Variants in ACOT11 observed in about 807,000 individuals in gnomAD.
ACOT11 encodes acyl-coenzyme A thioesterase 11.
A neutral mutation model predicts 77.5 loss-of-function variants in ACOT11; 69 were observed. The ratio of observed to expected loss-of-function variants is 0.89; its 90% CI spans 0.73 to 1.09. The LOEUF (loss-of-function observed/expected upper bound fraction) is 1.09, where lower values mean the gene tolerates loss of function less well. Among genes scored for constraint, ACOT11 ranks in the 50% least tolerant of loss-of-function variants. The probability of loss-of-function intolerance (pLI) is 0.00; values close to 1 mark genes in which losing one functional copy is unlikely to be tolerated. For synonymous variants in ACOT11, 279 were observed against 313.0 expected (o/e 0.89, Z 1.15); for missense variants, 766 against 813.7 (o/e 0.94, Z 0.71).
At chr1:54,571,061 TTCTC>T (rs556109250) in intron 1 of ACOT11, among the ~76,000 whole-genome samples, 2 of 149,402 alleles carry the variant, frequency 1.3e-5, no homozygotes, top group Non-Finnish European at 2.9e-5. Context: ...AATTATGATA[TTCTC>T]TCTCTCTTTT....
At chr1:54,559,693 G>A (rs1653398563) in intron 1 of ACOT11, among the ~76,000 whole-genome samples, 1 of 151,972 alleles carries the variant, frequency 6.6e-6, no homozygotes, top group African/African-American at 2.4e-5. Context: ...CTTTTCTGTT[G>A]AGGACCTACT....
In ACOT11 at chr1:54,604,998, C is replaced by T. The variant is rs898783210; in HGVS notation, c.1237-78C>T. 5.2e-5 allele frequency: 77 copies of T among 1,483,372 alleles called. 1 individual carries two copies. The Admixed American group carries it at 1.4e-3, about 26-fold the overall frequency. 91.9% of individuals were successfully genotyped at this position (1,483,372 alleles called of 1,614,324 possible). ...ACAGCAAGTCAGCTGTAGCCCTGAG[C>T]TTCCAGTCTCAGCCTCCAGCATCCC... On this transcript the variant is annotated intron_variant, in intron 12 of 15. Coordinates refer to ENST00000343744, the MANE Select transcript of ACOT11 (RefSeq NM_147161.4).
At chr1:54,548,852 C>T (rs922998372) in intron 1 of ACOT11, among the ~76,000 whole-genome samples, 8 of 152,126 alleles carry the variant, frequency 5.3e-5, no homozygotes, top group South Asian at 4.1e-4. Flanking sequence ...ATGACGGCTG[C>T]GGAAAGCTGT....
chr1:54,631,528 A>G (rs928304452), intron 16 of ACOT11, among the ~76,000 whole-genome samples: 9 of 152,154 alleles, frequency 5.9e-5, no homozygotes, highest in African/African-American at 1.9e-4. Context: ...TGAAGCTTCC[A>G]TTCAGGTTGC....
chr1:54,596,330 C>G (rs1654896466), intron 6 of ACOT11, among the ~76,000 whole-genome samples: 1 of 152,046 alleles, frequency 6.6e-6, no homozygotes, highest in African/African-American at 2.4e-5. Context: ...GCAATGCCAG[C>G]TCTTTGATGG....
rs769929111 is a variant in ACOT11, at chr1:54,609,768, CTGCGGGCTCCGCTATT to C, written c.*660_*675del. 7 of 1,614,070 alleles carry C rather than the reference CTGCGGGCTCCGCTATT, an allele frequency of 4.3e-6. No homozygotes were observed. The highest frequency in any genetic ancestry group is 1.7e-6 in the Non-Finnish European group (2 of 1,180,032). On this transcript the variant is annotated 3_prime_UTR_variant, in exon 16 of 16. Transcript: ENST00000343744. ...AGCAAGGCCAGGGATGGCCGGAGGG[CTGCGGGCTCCGCTATT>C]TGCAAATGGATGCCCCAGTGTCCGG... is the stretch of plus-strand genomic sequence containing the variant.
chr1:54,619,883 G>A, intron 15 of ACOT11: 1 of 1,614,086 alleles, frequency 6.2e-7, no homozygotes, highest in Non-Finnish European at 8.5e-7. Flanking sequence ...CAGCTGTCAT[G>A]GCTTTCTTGC....
chr1:54,599,839 A>T (rs1034846389), intron 8 of ACOT11, among the ~76,000 whole-genome samples: 7 of 152,274 alleles, frequency 4.6e-5, no homozygotes, highest in African/African-American at 7.2e-5. Flanking sequence ...TTGCCTTTGC[A>T]ATGAATTCTG....
At chr1:54,610,376 G>A, downstream of ACOT11, 3 of 1,605,204 alleles carry the variant, frequency 1.9e-6, no homozygotes, top group Non-Finnish European at 2.6e-6. Context: ...CCCTGCAGAT[G>A]AGCTGGGAGC....
Position 54,607,941 on chromosome 1 carries a change from G to C in ACOT11, c.1503-1G>C. 6.2e-7 allele frequency: 1 copy of C among 1,613,776 alleles called. No homozygotes were observed. Among genetic ancestry groups the C allele is most frequent in the Non-Finnish European group, 8.5e-7 (1 of 1,179,882 alleles). Reference sequence around the variant, plus strand: ...CCCCTTGCTACCCTTCCTTCACTCAGGGACCCCTATGTCATCGCGCTGAGG... The same window carrying C: ...CCCCTTGCTACCCTTCCTTCACTCACGGACCCCTATGTCATCGCGCTGAGG... On this transcript the variant is annotated splice_acceptor_variant, in intron 14 of 15. Coordinates refer to ENST00000343744, the MANE Select transcript of ACOT11 (RefSeq NM_147161.4). LOFTEE classifies it high-confidence loss of function. The surrounding 1 kb of genome is among the most constrained non-coding windows in gnomAD (Gnocchi z 4.5).
chr1:54,559,309 A>G (rs1217351290), intron 1 of ACOT11, among the ~76,000 whole-genome samples: 2 of 152,010 alleles, frequency 1.3e-5, no homozygotes, highest in African/African-American at 4.8e-5. Flanking sequence ...ACCCCACCCC[A>G]CACACCTCAG....
At position 54,594,614 on chromosome 1, in the gene ACOT11, C is replaced by T. The variant is rs754487008; in HGVS notation, c.530C>T (p.Ala177Val). ...GAGGAGAAGATGGAGCACAGTGTGG[C>T]GGCTGAGCGCCGGCGCATGCGCCTT... Reference protein sequence around the residue: ...TEEEKMEHSVAAERRRMRLVY... With the variant: ...TEEEKMEHSVVAERRRMRLVY... Residue 177 changes from alanine to valine, a missense_variant, in exon 6 of 16, where the codon GCG (alanine) becomes GTG (valine). Coordinates refer to ENST00000343744, the MANE Select transcript of ACOT11 (RefSeq NM_147161.4). The T allele has an allele frequency of 1.6e-5, 26 of 1,614,088 alleles. No homozygotes were observed. The highest frequency in any genetic ancestry group is 3.3e-4 in the Middle Eastern group (2 of 6,062).
chr1:54,620,182 G>C (rs950880129), intron 15 of ACOT11, among the ~76,000 whole-genome samples: 1 of 152,176 alleles, frequency 6.6e-6, no homozygotes, highest in Non-Finnish European at 1.5e-5. Context: ...ATGGGCTCCT[G>C]GGGCCCAAGG....
downstream of ACOT11, chr1:54,611,111 A>G (rs1644112820): frequency 2.6e-6 from 2 of 763,680 alleles, no homozygotes; most frequent in Non-Finnish European, 3.2e-6. Context: ...CTGTTTCTCT[A>G]TAAAATGGAA....
In ACOT11 at chr1:54,599,418, G is replaced by A. The variant is rs1462425676; in HGVS notation, c.884+3G>A. ...GTGAACAATGCCTTCAAACATAGGT[G>A]AGGGTCTGGGATGGGTGCGGCCACG... On this transcript the variant is annotated splice_donor_region_variant and intron_variant, in intron 8 of 15. Coordinates refer to ENST00000343744, the MANE Select transcript of ACOT11 (RefSeq NM_147161.4). 6.3e-7 allele frequency: 1 copy of A among 1,599,770 alleles called. No individual in the cohort carries two copies.
chr1:54,608,506 G>T (rs1050100758), intron 15 of ACOT11, among the ~76,000 whole-genome samples: 6 of 152,114 alleles, frequency 3.9e-5, no homozygotes, highest in Non-Finnish European at 5.9e-5. Context: ...TTAGGGCCCT[G>T]CAGCCTGGGT....
chr1:54,631,704 A>G (rs959733453), intron 16 of ACOT11, among the ~76,000 whole-genome samples: 2 of 152,194 alleles, frequency 1.3e-5, no homozygotes, highest in African/African-American at 2.4e-5. Context: ...CAGGTGGGGA[A>G]CAATACCCTT....
At chr1:54,594,149 G>C (rs1654813906) in intron 5 of ACOT11, 110 bp downstream of exon 5, 4 of 910,670 alleles carry the variant, frequency 4.4e-6, no homozygotes, top group African/African-American at 1.7e-5. Flanking sequence ...GGATGGGGAG[G>C]GACACAGCAG....
At chr1:54,561,076 TTTTTTA>T (rs1451544316) in intron 1 of ACOT11, among the ~76,000 whole-genome samples, 1 of 69,206 alleles carries the variant, frequency 1.4e-5, no homozygotes, top group African/African-American at 1.0e-4. Flanking sequence ...GCTTGGCTGA[TTTTTTA>T]TTTTTTTTAT....
Sources: allele counts gnomAD v4.1 joint callset (sites outside exome capture counted in the v4.1 genomes callset), GRCh38; gene constraint gnomAD v4.1.1; non-coding constraint Gnocchi (gnomAD v3.1); transcripts MANE v1.5; gene names NCBI Gene and HGNC (gene_info 2026-07-23, HGNC 2026-07-21).